The following GPATCH3 variants were observed in gnomAD, a reference collection of about 807,000 sequenced individuals.
GPATCH3 encodes the protein G-patch domain containing 3, also known as G patch domain-containing protein 3.
A neutral mutation model predicts 53.2 loss-of-function variants in GPATCH3; 45 were observed. The observed-to-expected ratio is 0.85, with a 90% CI of 0.67 to 1.08. The LOEUF is 1.08. Among genes scored for constraint, GPATCH3 ranks in the 50% least tolerant of loss-of-function variants. GPATCH3 has a pLI of 0.00. For missense variants in GPATCH3, 680 were observed against 687.2 expected (o/e 0.99, Z 0.12); for synonymous variants, 280 against 270.6 (o/e 1.03, Z -0.34).
chr1:26,892,635 G>C (rs1263848184), intron 5 of GPATCH3, 35 bp downstream of exon 5: 3 of 1,611,070 alleles, frequency 1.9e-6, no homozygotes, highest in East Asian at 2.2e-5. Flanking sequence ...AAGGAAAAGA[G>C]AGGGGTCCAT....
At chr1:26,895,961 T>G (rs2081949195) in intron 2 of GPATCH3, among the ~76,000 whole-genome samples, 1 of 152,198 alleles carries the variant, frequency 6.6e-6, no homozygotes, top group Non-Finnish European at 1.5e-5. Flanking sequence ...GGTGAATTAC[T>G]TTTTACCCGG....
Position 26,897,604 on chromosome 1 carries a change from G to A in GPATCH3, c.573C>T (p.Pro191=). 1 of 1,614,188 alleles carries A rather than the reference G, an allele frequency of 6.2e-7. No homozygotes were observed. The highest frequency in any genetic ancestry group is 8.5e-7 in the Non-Finnish European group (1 of 1,180,046). The change falls in exon 2 of 7, where the codon CCC becomes CCT. Residue 191 remains proline, a synonymous_variant. Coordinates refer to ENST00000361720, the MANE Select transcript of GPATCH3 (RefSeq NM_022078.3). ...LPELNPPVLM[P]RGNVGTPLRV... is the part of the protein sequence containing the mutation. ...GCAGGGGAGTCCCCACATTCCCTCT[G>A]GGCATCAGCACTGGTGGGTTCAGCT...
Position 26,894,430 on chromosome 1 carries a change from G to A in GPATCH3, c.877-20C>T, listed in dbSNP as rs1460162828. On this transcript the variant is annotated intron_variant, in intron 2 of 6. Transcript: ENST00000361720. ...ATCGTCCTAAAAGGCAGGGAGAGGTGATTTGCCTGAGCTTCCTGACCTCAT... is the reference window on the plus strand; with the variant it reads ...ATCGTCCTAAAAGGCAGGGAGAGGTAATTTGCCTGAGCTTCCTGACCTCAT... The A allele has an allele frequency of 6.2e-7, 1 of 1,611,994 alleles. No homozygotes were observed. The highest frequency in any genetic ancestry group is 8.5e-7 in the Non-Finnish European group (1 of 1,178,520).
In GPATCH3 at chr1:26,890,707, GA is replaced by G. The variant is rs1169503828; in HGVS notation, c.*302del. The G allele has an allele frequency of 1.1e-5, 6 of 556,462 alleles. No individual in the cohort carries two copies. Among genetic ancestry groups the G allele is most frequent in the South Asian group, 8.2e-5 (5 of 60,966 alleles). 34.5% of individuals were successfully genotyped at this position (556,462 alleles called of 1,614,324 possible). ...CAGAGTCCCCAAGGAAGGCTGTGCT[GA>G]TAGCCTCACTCAACCCAGCTTTTCA... is the stretch of plus-strand genomic sequence containing the variant. On this transcript the variant is annotated 3_prime_UTR_variant, in exon 7 of 7. Coordinates refer to ENST00000361720, the MANE Select transcript of GPATCH3 (RefSeq NM_022078.3).
At chr1:26,891,408 A>G (rs1020281664) in intron 6 of GPATCH3, among the ~76,000 whole-genome samples, 182 bp from the exon 7 acceptor site, 1 of 152,062 alleles carries the variant, frequency 6.6e-6, no homozygotes, top group Non-Finnish European at 1.5e-5. Context: ...AAGGGGCCTC[A>G]TATAAAATTT....
intron 3 of GPATCH3, among the ~76,000 whole-genome samples, chr1:26,893,655 G>A (rs906187119): frequency 1.3e-5 from 2 of 151,200 alleles, no homozygotes; most frequent in African/African-American, 4.9e-5. Flanking sequence ...CAAGTAGCTG[G>A]GACTACAGGT....
rs1177585646 is a variant in GPATCH3, at chr1:26,900,278, C to G, written c.165G>C (p.Arg55=). ...AGTTAGGAGCGGCCTGCGGAGGGGC[C>G]CGCTCAGGCCGATGCCGGTAGTGGA... is the stretch of plus-strand genomic sequence containing the variant. ...LCFHYRHRPE[R]APPQAAPNSA... Residue 55 remains arginine (R), a synonymous_variant, in exon 1 of 7, where the codon CGG becomes CGC. Coordinates refer to ENST00000361720, the MANE Select transcript of GPATCH3 (RefSeq NM_022078.3). The G allele has an allele frequency of 3.1e-6, 5 of 1,613,818 alleles. No homozygotes were observed. The African/African-American group carries it at 6.7e-5, about 22-fold the overall frequency.
intron 3 of GPATCH3, among the ~76,000 whole-genome samples, chr1:26,893,752 C>T (rs2081938858): frequency 6.6e-6 from 1 of 152,092 alleles, no homozygotes; most frequent in Non-Finnish European, 1.5e-5. Context: ...ATCTCTTGAC[C>T]TCGTGATCTG....
chr1:26,895,521 T>A (rs2081947078), intron 2 of GPATCH3, among the ~76,000 whole-genome samples: 1 of 115,290 alleles, frequency 8.7e-6, no homozygotes, highest in Non-Finnish European at 1.8e-5. Flanking sequence ...CAGAGCCTGC[T>A]TAAAAAAAAA....
chr1:26,897,224 C>T, intron 2 of GPATCH3, 77 bp downstream of exon 2: 1 of 1,396,702 alleles, frequency 7.2e-7, no homozygotes, highest in East Asian at 2.3e-5. Context: ...TTGTAATAGA[C>T]AATTGAAGAG....
rs752055888 is a variant in GPATCH3 at position 26,897,316 on chromosome 1, CTCT to C, written c.858_860del (p.Glu287del). ...CTGTACTCACCTCATCTGAGTGAGA[CTCT>C]TCTTCCTCTTCCTTCCCCACTTCTT... is the stretch of plus-strand genomic sequence containing the variant. On this transcript the variant is annotated inframe_deletion, in exon 2 of 7. Transcript: ENST00000361720. 1.2e-6 allele frequency: 2 copies of C among 1,614,060 alleles called. No individual in the cohort carries two copies. Among genetic ancestry groups the C allele is most frequent in the South Asian group, 2.2e-5 (2 of 91,076 alleles).
chr1:26,895,988 A>G (rs1277324557), intron 2 of GPATCH3, among the ~76,000 whole-genome samples: 2 of 152,218 alleles, frequency 1.3e-5, no homozygotes, highest in African/African-American at 2.4e-5. Flanking sequence ...CATTTTTAAA[A>G]AAGTTTTCCC....
intron 6 of GPATCH3, among the ~76,000 whole-genome samples, chr1:26,891,490 T>C (rs188597227): frequency 1.3e-5 from 2 of 151,574 alleles, no homozygotes; most frequent in East Asian, 3.9e-4. Context: ...GTATGAATGA[T>C]CTTGTTAAGC....
chr1:26,897,705 T>TG lies in GPATCH3; in HGVS notation c.471dup (p.Lys158GlnfsTer14). ...CAACTCTGCAGTTCCTTCCGGGTCT[T>TG]GAAGGGAAAGGAGCCCAGACCTTGG... is the stretch of plus-strand genomic sequence containing the variant. On this transcript the variant is annotated frameshift_variant, in exon 2 of 7. Transcript: ENST00000361720. LOFTEE classifies it high-confidence loss of function. The TG allele has an allele frequency of 6.2e-7, 1 of 1,612,536 alleles. No individual in the cohort carries two copies. The highest frequency in any genetic ancestry group is 8.5e-7 in the Non-Finnish European group (1 of 1,179,128).
At chr1:26,894,049 A>T (rs1048830117) in intron 3 of GPATCH3, among the ~76,000 whole-genome samples, 187 bp downstream of exon 3, 14 of 151,638 alleles carry the variant, frequency 9.2e-5, no homozygotes, top group African/African-American at 3.1e-4. Context: ...GGCGGGGGGC[A>T]TTTTCTCTCC....
chr1:26,897,553 G>A lies in GPATCH3; in HGVS notation c.624C>T (p.Ala208=), dbSNP rs1449326558. The change falls in exon 2 of 7, where the codon GCC becomes GCT. Residue 208 remains alanine, a synonymous_variant. Coordinates refer to ENST00000361720, the MANE Select transcript of GPATCH3 (RefSeq NM_022078.3). ...PLRVFLELIR[A]CRLPPRIITQ... is the part of the protein sequence containing the mutation. ...TGATGATCCGAGGGGGTAGGCGGCA[G>A]GCCCGGATCAACTCCAAAAAGACCC... The A allele has an allele frequency of 3.7e-6, 6 of 1,614,066 alleles. No individual in the cohort carries two copies. Among genetic ancestry groups the A allele is most frequent in the South Asian group, 3.3e-5 (3 of 91,090 alleles).
At chr1:26,894,544 A>G (rs560661349) in intron 2 of GPATCH3, 134 bp from the exon 3 acceptor site, 559 of 844,332 alleles carry the variant, frequency 6.6e-4, no homozygotes, top group Middle Eastern at 3.7e-3. Context: ...AGCAGCACAT[A>G]TTTGGCCCCT....
At chr1:26,895,782 A>G (rs926827673) in intron 2 of GPATCH3, among the ~76,000 whole-genome samples, 7 of 151,974 alleles carry the variant, frequency 4.6e-5, no homozygotes, top group African/African-American at 1.7e-4. Context: ...GACTACAGGC[A>G]CCACGCCTGG....
At position 26,890,959 on chromosome 1, in the gene GPATCH3, C is replaced by A; in HGVS notation, c.*51G>T. 1 of 1,524,896 alleles carries A rather than the reference C, an allele frequency of 6.6e-7. No individual in the cohort carries two copies. The highest frequency in any genetic ancestry group is 9.1e-7 in the Non-Finnish European group (1 of 1,099,348). The allele number at this position is 1,524,896 out of a possible 1,614,324, so 94.5% of individuals were successfully genotyped here. On this transcript the variant is annotated 3_prime_UTR_variant, in exon 7 of 7. Transcript: ENST00000361720. ...TTTCTGCTTCAGTGGTAGATGAGGC[C>A]AGGGCAGAGGGTTTTCATCATGTAG...
Sources: gnomAD v4.1 joint callset for allele counts (sites outside exome capture counted in the v4.1 genomes callset) on GRCh38, gnomAD v4.1.1 for gene constraint, MANE v1.5 for transcripts, NCBI Gene and HGNC (gene_info 2026-07-23, HGNC 2026-07-21) for gene names.